The following CDYL variants were observed in gnomAD, a reference collection of about 807,000 sequenced individuals.
The protein encoded by CDYL is chromodomain Y like.
A neutral mutation model predicts 47.3 loss-of-function variants in CDYL; 8 were observed. The ratio of observed to expected loss-of-function variants is 0.17; its 90% CI spans 0.10 to 0.31. The LOEUF (loss-of-function observed/expected upper bound fraction) is 0.31, where lower values mean the gene tolerates loss of function less well. CDYL is among the 10% of genes least tolerant of loss of function. The pLI, the probability that CDYL is intolerant of heterozygous loss-of-function variation, is 1.00. For missense variants in CDYL, 471 were observed against 701.4 expected (o/e 0.67, Z 3.71); for synonymous variants, 266 against 265.0 (o/e 1.00, Z -0.04).
intron 1 of CDYL, among the ~76,000 whole-genome samples, chr6:4,856,799 T>C (rs1187613242): frequency 1.3e-5 from 2 of 152,194 alleles, no homozygotes; most frequent in African/African-American, 4.8e-5. Context: ...GTGAAGCCTT[T>C]TACACCTCAT....
intron 1 of CDYL, among the ~76,000 whole-genome samples, chr6:4,791,817 AAC>A (rs1758927858): frequency 1.3e-5 from 2 of 152,276 alleles, no homozygotes; most frequent in South Asian, 4.1e-4. Flanking sequence ...TTATTTCATA[AAC>A]ACAGAATCGT....
In CDYL at chr6:4,736,659, CT is replaced by C. The variant is rs112053760; in HGVS notation, c.186+1827del. ...AGACATGAAAGCCAATGCTACTCAG[CT>C]TTTTTTTTTTTCTGCTACGCACTTT... On this transcript the variant is annotated intron_variant, in intron 3 of 8. Coordinates refer to the CDYL transcript ENST00000328908. 9.3e-3 allele frequency among the ~76,000 whole-genome samples: 1,341 copies of C among 144,504 alleles called. 17 individuals carry two copies. Among genetic ancestry groups the C allele is most frequent in the African/African-American group, 0.03 (1,207 of 39,760 alleles). The allele number at this position is 144,504 out of a possible 152,430, so 94.8% of individuals were successfully genotyped here.
chr6:4,895,273 GTATATATGTGCATATATGCA>G (rs1192052250), intron 2 of CDYL, among the ~76,000 whole-genome samples: 9 of 143,934 alleles, frequency 6.3e-5, no homozygotes, highest in African/African-American at 2.4e-4. Flanking sequence ...ATACATGTAT[GTATATATGTGCATATATGCA>G]TGTATGTATA....
At chr6:4,867,428 T>C (rs2127471452) in intron 1 of CDYL, among the ~76,000 whole-genome samples, 1 of 152,254 alleles carries the variant, frequency 6.6e-6, no homozygotes, top group East Asian at 1.9e-4. Flanking sequence ...CTTCAGTCTT[T>C]CACATTAAGT....
chr6:4,829,845 C>G (rs1421929267), intron 1 of CDYL, among the ~76,000 whole-genome samples: 1 of 152,200 alleles, frequency 6.6e-6, no homozygotes, highest in African/African-American at 2.4e-5. Flanking sequence ...GAACCAGGAA[C>G]CAGGGACTTT....
chr6:4,933,547 G>A (rs1198499228), intron 2 of CDYL, among the ~76,000 whole-genome samples: 6 of 152,214 alleles, frequency 3.9e-5, no homozygotes, highest in Non-Finnish European at 7.4e-5. Context: ...AGGTGAGGCC[G>A]TGATGGGACT....
chr6:4,822,725 G>T (rs1021364208), intron 1 of CDYL, among the ~76,000 whole-genome samples: 16 of 152,152 alleles, frequency 1.1e-4, no homozygotes, highest in Non-Finnish European at 4.4e-5. Flanking sequence ...CCTATTTCAT[G>T]TGTTTTCAGT....
At chr6:4,943,502 A>C in intron 4 of CDYL, 44 bp from the exon 5 acceptor site, 1 of 1,343,012 alleles carries the variant, frequency 7.4e-7, no homozygotes, top group South Asian at 1.2e-5. Context: ...CTTTGCTCAA[A>C]TATGCAATGT....
intron 1 of CDYL, among the ~76,000 whole-genome samples, chr6:4,844,612 TG>T (rs1403220449): frequency 6.6e-6 from 1 of 152,178 alleles, no homozygotes; most frequent in Non-Finnish European, 1.5e-5. Context: ...TCCCCCAACA[TG>T]GGTTTGTTTC....
At chr6:4,721,697 A>G (rs1187126175) in intron 2 of CDYL, among the ~76,000 whole-genome samples, 3 of 151,856 alleles carry the variant, frequency 2.0e-5, no homozygotes, top group Non-Finnish European at 4.4e-5. Flanking sequence ...TTCCTAAGAA[A>G]CACTTACACG....
chr6:4,786,602 G>C (rs1240779510), intron 1 of CDYL, among the ~76,000 whole-genome samples: 1 of 152,198 alleles, frequency 6.6e-6, no homozygotes, highest in Admixed American at 6.5e-5. Flanking sequence ...CTTACTGCTA[G>C]GGGTTCAAGA....
chr6:4,918,379 C>CTT (rs111353674), intron 2 of CDYL, among the ~76,000 whole-genome samples: 1 of 150,678 alleles, frequency 6.6e-6, no homozygotes, highest in Non-Finnish European at 1.5e-5. Flanking sequence ...GCCCCCCCCC[C>CTT]TTTTTTTTGG....
At chr6:4,940,199 A>G (rs1475886958) in intron 4 of CDYL, among the ~76,000 whole-genome samples, 1 of 152,204 alleles carries the variant, frequency 6.6e-6, no homozygotes, top group Non-Finnish European at 1.5e-5. Context: ...AAAAAGCTGG[A>G]TTGATATTCT....
intron 1 of CDYL, among the ~76,000 whole-genome samples, chr6:4,817,856 A>G (rs998570585): frequency 5.9e-5 from 9 of 152,190 alleles, no homozygotes; most frequent in South Asian, 4.1e-4. Context: ...CATCTTTTTC[A>G]TATTAAAAAC....
chr6:4,874,240 T>A (rs1399716403), intron 1 of CDYL, among the ~76,000 whole-genome samples: 1 of 152,214 alleles, frequency 6.6e-6, no homozygotes, highest in Non-Finnish European at 1.5e-5. Flanking sequence ...ATTCTTTGTG[T>A]TGGCCTTACT....
chr6:4,744,995 G>T (rs996260372), intron 3 of CDYL, among the ~76,000 whole-genome samples: 12 of 152,152 alleles, frequency 7.9e-5, no homozygotes, highest in Admixed American at 7.2e-4. Context: ...CCCTGGCTCT[G>T]TTGCCCAGGT....
At chr6:4,862,554 C>G (rs1424901807) in intron 1 of CDYL, among the ~76,000 whole-genome samples, 2 of 152,172 alleles carry the variant, frequency 1.3e-5, no homozygotes, top group African/African-American at 4.8e-5. Context: ...TAAACATGAT[C>G]TAATAAACAA....
At chr6:4,810,625 A>G (rs1305355966) in intron 1 of CDYL, among the ~76,000 whole-genome samples, 1 of 152,216 alleles carries the variant, frequency 6.6e-6, no homozygotes, top group African/African-American at 2.4e-5. Flanking sequence ...CTGTAACAAA[A>G]TACTATAAAC....
intron 1 of CDYL, among the ~76,000 whole-genome samples, chr6:4,798,841 T>A (rs1451168556): frequency 6.8e-6 from 1 of 148,082 alleles, no homozygotes; most frequent in Non-Finnish European, 1.5e-5. Context: ...CAGCCTTTAA[T>A]TAAACATAAG....
Sources: allele counts gnomAD v4.1 joint callset (sites outside exome capture counted in the v4.1 genomes callset), GRCh38; gene constraint gnomAD v4.1.1; transcripts MANE v1.5; gene names NCBI Gene and HGNC (gene_info 2026-07-23, HGNC 2026-07-21).